GAS7: variants seen among roughly 807,000 people sequenced by gnomAD.
GAS7 encodes growth arrest-specific protein 7.
In GAS7, 28 loss-of-function variants were observed where a neutral mutation model predicts 71.1. The observed-to-expected ratio is 0.39, with a 90% CI of 0.29 to 0.54. The LOEUF (loss-of-function observed/expected upper bound fraction) is 0.54. Ranked by LOEUF, GAS7 falls within the 20% of genes least tolerant of loss-of-function variation. The pLI is 0.62. For synonymous variants in GAS7, 258 were observed against 245.8 expected, an observed-to-expected ratio of 1.05 and a Z score of -0.46; for missense variants, 436 against 627.8, an observed-to-expected ratio of 0.69 and a Z score of 3.27.
At chr17:10,061,790 A>C (rs2073223301) in intron 1 of GAS7, among the ~76,000 whole-genome samples, 2 of 152,062 alleles carry the variant, frequency 1.3e-5, no homozygotes, top group Non-Finnish European at 2.9e-5. Flanking sequence ...TCCCACTCCC[A>C]GCCTCCCTCT....
chr17:10,061,021 G>A (rs538954981), intron 1 of GAS7, among the ~76,000 whole-genome samples: 10 of 152,262 alleles, frequency 6.6e-5, no homozygotes, highest in Non-Finnish European at 1.2e-4. Context: ...CTAAGCTGAG[G>A]GCTAGAGAGT....
chr17:9,955,596 C>G (rs12603607), intron 5 of GAS7, among the ~76,000 whole-genome samples: 66,016 of 152,062 alleles, frequency 0.43, 14,558 homozygotes, highest in East Asian at 0.62. Context: ...TGGACCCAGG[C>G]TCTGAACCCA....
At chr17:10,081,348 G>GT (rs1178123308) in intron 1 of GAS7, among the ~76,000 whole-genome samples, 1 of 152,126 alleles carries the variant, frequency 6.6e-6, no homozygotes, top group Non-Finnish European at 1.5e-5. Context: ...TAGAGACGGG[G>GT]TTTCACCATG....
At chr17:10,146,383 A>ATGAC (rs1320674653) in intron 1 of GAS7, among the ~76,000 whole-genome samples, 1 of 152,188 alleles carries the variant, frequency 6.6e-6, no homozygotes, top group East Asian at 1.9e-4. Context: ...TTTCCCAATT[A>ATGAC]TGACTGCATT....
intron 7 of GAS7, among the ~76,000 whole-genome samples, chr17:9,942,641 T>TC (rs924209730): frequency 2.6e-5 from 4 of 151,728 alleles, no homozygotes; most frequent in South Asian, 2.1e-4. Flanking sequence ...AACTGTAACA[T>TC]CCCCCCCACT....
intron 12 of GAS7, among the ~76,000 whole-genome samples, chr17:9,918,677 A>G (rs1414768683): frequency 3.3e-5 from 5 of 152,190 alleles, no homozygotes; most frequent in Non-Finnish European, 5.9e-5. Context: ...GCCGCAATAG[A>G]GACCGGGCCA....
At chr17:9,951,593 C>T (rs927391924) in intron 5 of GAS7, among the ~76,000 whole-genome samples, 2 of 151,986 alleles carry the variant, frequency 1.3e-5, no homozygotes, top group African/African-American at 4.8e-5. Context: ...CCCATCTCTA[C>T]TAAAAATACA....
chr17:9,926,772 G>GT lies in GAS7; in HGVS notation c.886-4dup, dbSNP rs1486627686. 6.2e-7 allele frequency: 1 copy of GT among 1,614,074 alleles called. No homozygotes were observed. The highest frequency in any genetic ancestry group is 1.1e-5 in the South Asian group (1 of 91,084). On this transcript the variant is annotated splice_polypyrimidine_tract_variant and splice_region_variant and intron_variant, in intron 9 of 13. Coordinates refer to ENST00000432992, the MANE Select transcript of GAS7 (RefSeq NM_201433.2). This position sits in a 1 kb window ranked among gnomAD's most constrained non-coding sequence, Gnocchi z 5.0. ...GGCTTCTCCACCTCGCTGTGAAGCT[G>GT]TTGGGAGAGTAGAGACGCACACTCA...
chr17:10,035,714 T>C (rs959507061), intron 1 of GAS7, among the ~76,000 whole-genome samples: 12 of 152,142 alleles, frequency 7.9e-5, no homozygotes, highest in South Asian at 4.1e-4. Context: ...AGAAAGAAGA[T>C]GGATGCGTAA....
chr17:10,018,946 G>A (rs955516092), intron 2 of GAS7, among the ~76,000 whole-genome samples: 1 of 152,144 alleles, frequency 6.6e-6, no homozygotes, highest in Non-Finnish European at 1.5e-5. Flanking sequence ...GTTCTCTCAT[G>A]GCAATTTCTC....
chr17:9,987,180 G>A (rs930577907), intron 2 of GAS7, among the ~76,000 whole-genome samples: 3 of 152,184 alleles, frequency 2.0e-5, no homozygotes, highest in African/African-American at 7.2e-5. Context: ...CCGGATGACT[G>A]CCCACACTCT....
chr17:10,145,917 C>T (rs1039643162), intron 1 of GAS7, among the ~76,000 whole-genome samples: 3 of 152,164 alleles, frequency 2.0e-5, no homozygotes, highest in Non-Finnish European at 4.4e-5. Flanking sequence ...TGAGAACTTG[C>T]CCCCGTAGTC....
chr17:9,976,166 A>G (rs1002340267), intron 3 of GAS7, among the ~76,000 whole-genome samples: 1 of 152,260 alleles, frequency 6.6e-6, no homozygotes, highest in African/African-American at 2.4e-5. Flanking sequence ...TGCGTTCCCA[A>G]AGACAGACTG....
chr17:9,992,670 T>C (rs1343847769), intron 2 of GAS7, among the ~76,000 whole-genome samples: 1 of 151,896 alleles, frequency 6.6e-6, no homozygotes, highest in Non-Finnish European at 1.5e-5. Flanking sequence ...TAGTTACATA[T>C]GTATACATGT....
At chr17:10,051,796 G>A (rs1000353762) in intron 1 of GAS7, among the ~76,000 whole-genome samples, 2 of 152,110 alleles carry the variant, frequency 1.3e-5, no homozygotes, top group African/African-American at 2.4e-5. Flanking sequence ...CAGATCGATC[G>A]CTCAAGCTCC....
chr17:9,918,146 C>T, intron 12 of GAS7, 47 bp from the exon 13 acceptor site: 1 of 1,378,374 alleles, frequency 7.3e-7, no homozygotes, highest in Non-Finnish European at 1.0e-6. Flanking sequence ...GTCCCCTCCA[C>T]TTGGGGGTCC....
At chr17:10,120,096 G>A (rs2073892786) in intron 1 of GAS7, among the ~76,000 whole-genome samples, 1 of 152,086 alleles carries the variant, frequency 6.6e-6, no homozygotes, top group African/African-American at 2.4e-5. Flanking sequence ...CTTCATGCCT[G>A]TCCCCCTGCC....
At chr17:10,126,450 G>GCACACGCACTCATGCACACA (rs1567602354) in intron 1 of GAS7, among the ~76,000 whole-genome samples, 1 of 146,492 alleles carries the variant, frequency 6.8e-6, no homozygotes. Context: ...ACACGCGCGC[G>GCACACGCACTCATGCACACA]CGCACACGCA....
chr17:10,076,825 C>T (rs866598990), intron 1 of GAS7, among the ~76,000 whole-genome samples: 39 of 132,270 alleles, frequency 2.9e-4, no homozygotes, highest in Middle Eastern at 3.6e-3. Context: ...AGTACCAGGG[C>T]GAGAAAACAG....
Sources: gnomAD v4.1 joint callset for allele counts (sites outside exome capture counted in the v4.1 genomes callset) on GRCh38, gnomAD v4.1.1 for gene constraint, Gnocchi (gnomAD v3.1) non-coding constraint, MANE v1.5 for transcripts, NCBI Gene and HGNC (gene_info 2026-07-23, HGNC 2026-07-21) for gene names.